The following RAB3GAP1 variants were observed in gnomAD, a reference collection of about 807,000 sequenced individuals.
RAB3GAP1 encodes the protein rab3 GTPase-activating protein catalytic subunit.
A neutral mutation model predicts 130.7 loss-of-function variants in RAB3GAP1; 86 were observed. That is an observed-to-expected ratio of 0.66 (90% CI 0.55 to 0.79). The LOEUF (loss-of-function observed/expected upper bound fraction) is 0.79. RAB3GAP1 is among the 30% of genes least tolerant of loss of function. RAB3GAP1 has a pLI of 0.00. For missense variants in RAB3GAP1, 1,029 were observed against 1,169.4 expected, an observed-to-expected ratio of 0.88 and a Z score of 1.75; for synonymous variants, 367 against 401.7, an observed-to-expected ratio of 0.91 and a Z score of 1.03.
At position 135,162,546 on chromosome 2, in the gene RAB3GAP1, C is replaced by A; in HGVS notation, c.2290-9C>A. ...CGCTGATCATTTGTGTGCGCTGCAC[C>A]TCCTTCAGGTGCTGCACTATCTGGC... is the stretch of plus-strand genomic sequence containing the variant. On this transcript the variant is annotated splice_polypyrimidine_tract_variant and intron_variant, in intron 19 of 23. Coordinates refer to ENST00000264158, the MANE Select transcript of RAB3GAP1 (RefSeq NM_012233.3). 1 of 1,610,356 alleles carries A rather than the reference C, an allele frequency of 6.2e-7. No homozygotes were observed. The highest frequency in any genetic ancestry group is 8.5e-7 in the Non-Finnish European group (1 of 1,177,204).
chr2:135,105,840 C>G (rs1371844396), intron 5 of RAB3GAP1, among the ~76,000 whole-genome samples: 1 of 150,818 alleles, frequency 6.6e-6, no homozygotes, highest in Non-Finnish European at 1.5e-5. Context: ...GCCTCTGCCC[C>G]GCCGCCCCGT....
At chr2:135,117,510 TCTGCTTCTTCTG>T (rs1691022844) in intron 7 of RAB3GAP1, among the ~76,000 whole-genome samples, 4 of 76,916 alleles carry the variant, frequency 5.2e-5, no homozygotes, top group African/African-American at 1.0e-4. Context: ...TTCTTCTTCT[TCTGCTTCTTCTG>T]CTTCTTCTGC....
At chr2:135,129,961 T>G in intron 11 of RAB3GAP1, 34 bp from the exon 12 acceptor site, 2 of 1,375,402 alleles carry the variant, frequency 1.5e-6, no homozygotes, top group Non-Finnish European at 2.1e-6. Flanking sequence ...TTTTTTTCAG[T>G]TAAGTGTCAA....
chr2:135,174,440 C>G (rs999138877), downstream of RAB3GAP1, among the ~76,000 whole-genome samples: 4 of 152,352 alleles, frequency 2.6e-5, no homozygotes, highest in Non-Finnish European at 5.9e-5. Flanking sequence ...AGTCTCCCAG[C>G]CTGCCTGTGT....
Position 135,093,437 on chromosome 2 carries a change from GA to G in RAB3GAP1, c.284-169del, listed in dbSNP as rs1292686278. On this transcript the variant is annotated intron_variant, in intron 4 of 23. Coordinates refer to ENST00000264158, the MANE Select transcript of RAB3GAP1 (RefSeq NM_012233.3). Reference sequence around the variant, plus strand: ...TTTTTATAGGCTACTTTTATTTGAAGAAAAAAAAATGAGAGAGAAATCCCTC... The same window carrying G: ...TTTTTATAGGCTACTTTTATTTGAAGAAAAAAAATGAGAGAGAAATCCCTC... Among the ~76,000 whole-genome samples the G allele has an allele frequency of 7.3e-5, 11 of 150,470 alleles. No individual in the cohort carries two copies. The South Asian group carries it at 1.5e-3, about 20-fold the overall frequency.
At chr2:135,066,547 G>T (rs1403216995) in intron 3 of RAB3GAP1, among the ~76,000 whole-genome samples, 1 of 152,158 alleles carries the variant, frequency 6.6e-6, no homozygotes, top group Non-Finnish European at 1.5e-5. Context: ...ATTAAACCTA[G>T]GTCTTGCCTT....
At chr2:135,052,966 C>T (rs1370272346) in intron 2 of RAB3GAP1, among the ~76,000 whole-genome samples, 1 of 152,152 alleles carries the variant, frequency 6.6e-6, no homozygotes, top group Non-Finnish European at 1.5e-5. Flanking sequence ...ACACTCCCAC[C>T]ATCTCCATGC....
chr2:135,098,264 T>C (rs1690356016), intron 5 of RAB3GAP1, among the ~76,000 whole-genome samples: 1 of 152,200 alleles, frequency 6.6e-6, no homozygotes, highest in Non-Finnish European at 1.5e-5. Context: ...TTGTATACTT[T>C]GGATGTAAAT....
At chr2:135,176,211 G>C (rs1692997817) in intron 24 of RAB3GAP1, 1 of 152,078 alleles carries the variant, frequency 6.6e-6, no homozygotes. Context: ...TACTATAAAA[G>C]TATGGTACTA....
chr2:135,112,590 A>G (rs1690835910), intron 5 of RAB3GAP1, among the ~76,000 whole-genome samples: 1 of 152,028 alleles, frequency 6.6e-6, no homozygotes, highest in Admixed American at 6.6e-5. Context: ...CTCCCACCAG[A>G]CACTTCTCCC....
chr2:135,121,003 G>A, intron 8 of RAB3GAP1, 85 bp downstream of exon 8: 2 of 975,922 alleles, frequency 2.0e-6, no homozygotes, highest in Middle Eastern at 2.1e-4. Context: ...CTTAACAAGA[G>A]TTTCAAGTGT....
At chr2:135,174,383 A>G (rs997483761), downstream of RAB3GAP1, among the ~76,000 whole-genome samples, 5 of 152,172 alleles carry the variant, frequency 3.3e-5, no homozygotes, top group Non-Finnish European at 5.9e-5. Flanking sequence ...GTGCCCCAAA[A>G]TGGGATGGTG....
At chr2:135,160,628 C>T (rs1202847145) in intron 19 of RAB3GAP1, among the ~76,000 whole-genome samples, 6 of 139,414 alleles carry the variant, frequency 4.3e-5, no homozygotes, top group Non-Finnish European at 6.0e-5. Flanking sequence ...GAGCCAAGAT[C>T]GCACCACTGC....
At position 135,169,022 on chromosome 2, in the gene RAB3GAP1, A is replaced by T. The variant is rs2105008995; in HGVS notation, c.*241A>T. ...TTTCTGCCCTAGAGATGGCCTTTGT[A>T]TATGGGGGGGTGGTGGGGGGACACA... On this transcript the variant is annotated 3_prime_UTR_variant, in exon 24 of 24. Transcript: ENST00000264158. The T allele has an allele frequency of 8.7e-6, 2 of 229,766 alleles. No individual in the cohort carries two copies. The highest frequency in any genetic ancestry group is 3.2e-5 in the South Asian group (1 of 30,888). 14.2% of individuals were successfully genotyped at this position (229,766 alleles called of 1,614,324 possible).
intron 7 of RAB3GAP1, among the ~76,000 whole-genome samples, 156 bp downstream of exon 7, chr2:135,115,537 T>G (rs979626706): frequency 5.3e-5 from 8 of 152,240 alleles, no homozygotes; most frequent in African/African-American, 1.9e-4. Context: ...ACTTTGTAAT[T>G]TCTAAGAAAC....
chr2:135,065,691 AT>A lies in RAB3GAP1; in HGVS notation c.150+7606del, dbSNP rs368854411. Among the ~76,000 whole-genome samples, 3 of 151,948 alleles carry A rather than the reference AT, an allele frequency of 2.0e-5. No individual in the cohort carries two copies. In the East Asian group the frequency reaches 5.8e-4, roughly 29 times the overall value. On this transcript the variant is annotated intron_variant, in intron 3 of 23. Coordinates refer to ENST00000264158, the MANE Select transcript of RAB3GAP1 (RefSeq NM_012233.3). ...TTTGAGGGAGGCATATCTCATATGT[AT>A]GCGTGAAAACTTAAACGTCACGCTT...
chr2:135,099,770 C>T (rs1399145893), intron 5 of RAB3GAP1, among the ~76,000 whole-genome samples: 3 of 152,002 alleles, frequency 2.0e-5, no homozygotes. Context: ...GCAGAAGTCT[C>T]AGTTCCAGTA....
chr2:135,087,317 G>T (rs1268777282), intron 3 of RAB3GAP1, among the ~76,000 whole-genome samples: 1 of 152,150 alleles, frequency 6.6e-6, no homozygotes, highest in Non-Finnish European at 1.5e-5. Flanking sequence ...GTAGCAAAGT[G>T]TTAAAATCAG....
intron 8 of RAB3GAP1, among the ~76,000 whole-genome samples, chr2:135,121,948 C>G (rs1262803195): frequency 6.6e-6 from 1 of 152,018 alleles, no homozygotes; most frequent in Non-Finnish European, 1.5e-5. Flanking sequence ...CAAAAATTAG[C>G]CAGGTGCAGT....
Sources: gnomAD v4.1 joint callset for allele counts (sites outside exome capture counted in the v4.1 genomes callset) on GRCh38, gnomAD v4.1.1 for gene constraint, MANE v1.5 for transcripts, NCBI Gene and HGNC (gene_info 2026-07-23, HGNC 2026-07-21) for gene names.